The following UNC79 variants were observed in gnomAD, a reference collection of about 807,000 sequenced individuals.
UNC79 encodes unc-79 subunit of NALCN channel complex, also known as protein unc-79 homolog.
UNC79 carries 37 observed loss-of-function variants against 283.1 expected under a neutral mutation model. The observed-to-expected ratio is 0.13, with a 90% confidence interval of 0.10 to 0.17. The LOEUF is 0.17. UNC79 is among the 10% of genes least tolerant of loss of function. The pLI is 1.00. For synonymous variants in UNC79, 1,107 were observed against 1,200.2 expected, an observed-to-expected ratio of 0.92 and a Z score of 1.61; for missense variants, 2,272 against 3,211.1, an observed-to-expected ratio of 0.71 and a Z score of 7.07.
intron 24 of UNC79, 147 bp from the exon 25 acceptor site, chr14:93,600,422 T>G (rs1347832366): frequency 1.9e-6 from 1 of 534,412 alleles, no homozygotes; most frequent in Admixed American, 3.6e-5. Context: ...TCAAAAAAGA[T>G]TCCAGTGGGA....
intron 1 of UNC79, among the ~76,000 whole-genome samples, chr14:93,452,881 T>G (rs865864882): frequency 1.3e-5 from 2 of 152,336 alleles, no homozygotes; most frequent in Middle Eastern, 3.4e-3. Context: ...TTAAGAGTCT[T>G]AAAAGCAGTC....
At chr14:93,357,923 A>G (rs199522161) in intron 1 of UNC79, among the ~76,000 whole-genome samples, 2 of 17,108 alleles carry the variant, frequency 1.2e-4, no homozygotes, top group African/African-American at 3.2e-4. Context: ...ATCCATATAT[A>G]TAGATATATA....
At chr14:93,444,738 CTATTT>C (rs1184423153) in intron 1 of UNC79, among the ~76,000 whole-genome samples, 1 of 151,896 alleles carries the variant, frequency 6.6e-6, no homozygotes, top group East Asian at 1.9e-4. Context: ...TCTCTGGACT[CTATTT>C]TGTTTCTTCA....
intron 41 of UNC79, among the ~76,000 whole-genome samples, chr14:93,676,882 A>G (rs751630248): frequency 8.5e-5 from 13 of 152,234 alleles, no homozygotes; most frequent in Non-Finnish European, 1.6e-4. Flanking sequence ...TTCATCTACC[A>G]TTTCATCTTT....
chr14:93,553,117 C>T (rs1567100580), intron 14 of UNC79, among the ~76,000 whole-genome samples: 1 of 152,108 alleles, frequency 6.6e-6, no homozygotes, highest in Non-Finnish European at 1.5e-5. Flanking sequence ...AACTATATTG[C>T]CATAAGTTAA....
intron 10 of UNC79, among the ~76,000 whole-genome samples, chr14:93,530,273 CA>C (rs770743156): frequency 2.0e-5 from 3 of 152,044 alleles, no homozygotes; most frequent in African/African-American, 4.8e-5. Context: ...TGAAAATTTA[CA>C]TAAAAATATC....
At chr14:93,595,022 G>A (rs2064968721) in intron 23 of UNC79, among the ~76,000 whole-genome samples, 1 of 151,366 alleles carries the variant, frequency 6.6e-6, no homozygotes, top group Non-Finnish European at 1.5e-5. Context: ...GTTGTGGAGG[G>A]TTAGGATTAA....
intron 1 of UNC79, among the ~76,000 whole-genome samples, chr14:93,375,486 G>T (rs1356731802): frequency 2.0e-5 from 3 of 152,196 alleles, no homozygotes; most frequent in African/African-American, 7.2e-5. Flanking sequence ...ATTAATAGGT[G>T]TATTAGTCCA....
chr14:93,480,574 A>T (rs1385268498), intron 4 of UNC79, among the ~76,000 whole-genome samples: 1 of 152,168 alleles, frequency 6.6e-6, no homozygotes, highest in Non-Finnish European at 1.5e-5. Context: ...ATAAATTGTA[A>T]TACCAACCTT....
chr14:93,548,701 C>T (rs891676138), intron 14 of UNC79, among the ~76,000 whole-genome samples: 5 of 152,314 alleles, frequency 3.3e-5, no homozygotes, highest in Admixed American at 1.3e-4. Flanking sequence ...TCCTCTTCCT[C>T]ATTCAGGAAT....
intron 26 of UNC79, among the ~76,000 whole-genome samples, chr14:93,609,221 G>C (rs956780843): frequency 3.3e-5 from 5 of 152,164 alleles, no homozygotes; most frequent in Non-Finnish European, 2.9e-5. Flanking sequence ...GGGGAGGGTA[G>C]AGAACCACCT....
At chr14:93,412,324 G>A (rs2055352281) in intron 1 of UNC79, among the ~76,000 whole-genome samples, 1 of 152,004 alleles carries the variant, frequency 6.6e-6, no homozygotes, top group Non-Finnish European at 1.5e-5. Context: ...AACAGTTATT[G>A]GCCTTAAAGA....
chr14:93,353,780 C>T (rs944155060), intron 1 of UNC79, among the ~76,000 whole-genome samples: 3 of 152,190 alleles, frequency 2.0e-5, no homozygotes, highest in Non-Finnish European at 4.4e-5. Flanking sequence ...CACCACTGTA[C>T]ACTGTGCTAG....
intron 1 of UNC79, among the ~76,000 whole-genome samples, chr14:93,434,374 T>A (rs1268336008): frequency 1.3e-5 from 2 of 150,312 alleles, no homozygotes; most frequent in Non-Finnish European, 3.0e-5. Context: ...AAGAGTTAAA[T>A]TTTTTTTTTC....
At position 93,617,208 on chromosome 14, in the gene UNC79, G is replaced by A. The variant is rs780292993; in HGVS notation, c.4128G>A (p.Arg1376=). The stretch of plus-strand genomic sequence containing the variant: ...AATACTGCTCTTGTCCTCAACTCCG[G>A]CATTATTTCCAACAGCCGCCTCGTT... Residue 1376 remains arginine, a synonymous_variant, in exon 28 of 49, where the codon CGG becomes CGA. Transcript: ENST00000555664. The surrounding 1 kb of genome is among the most constrained non-coding windows in gnomAD (Gnocchi z 4.5). 8.1e-6 allele frequency: 13 copies of A among 1,614,016 alleles called. No individual in the cohort carries two copies. Among genetic ancestry groups the A allele is most frequent in the Non-Finnish European group, 1.1e-5 (13 of 1,180,026 alleles).
At chr14:93,554,301 C>T (rs2062043968) in intron 14 of UNC79, among the ~76,000 whole-genome samples, 1 of 150,876 alleles carries the variant, frequency 6.6e-6, no homozygotes. Context: ...TGAGTTGAGA[C>T]CATGCCATTG....
chr14:93,534,016 G>A (rs1350439158), intron 11 of UNC79, among the ~76,000 whole-genome samples: 3 of 152,150 alleles, frequency 2.0e-5, no homozygotes, highest in African/African-American at 4.8e-5. Context: ...AACTAAGAAG[G>A]AAAGTTATCT....
intron 5 of UNC79, among the ~76,000 whole-genome samples, chr14:93,489,117 T>A (rs900980320): frequency 8.5e-5 from 13 of 152,240 alleles, no homozygotes; most frequent in Non-Finnish European, 1.3e-4. Context: ...AATTTTTAAA[T>A]TTTTTTAGAG....
rs559927153 is a variant in UNC79, at chr14:93,645,090, T to C, written c.6044+1393T>C. ...TTTTTATTAATACCAGGTCACAATTTCTACTATCAATACTTCTTAGTTTCA... is the reference window on the plus strand; with the variant it reads ...TTTTTATTAATACCAGGTCACAATTCCTACTATCAATACTTCTTAGTTTCA... On this transcript the variant is annotated intron_variant, in intron 34 of 48. Coordinates refer to ENST00000555664, the Ensembl canonical transcript of UNC79. Among the ~76,000 whole-genome samples the C allele has an allele frequency of 2.3e-4, 35 of 152,326 alleles. No individual in the cohort carries two copies. In the South Asian group the frequency reaches 7.2e-3, roughly 32 times the overall value.
Sources: allele counts gnomAD v4.1 joint callset (sites outside exome capture counted in the v4.1 genomes callset), GRCh38; gene constraint gnomAD v4.1.1; non-coding constraint Gnocchi (gnomAD v3.1); transcripts MANE v1.5; gene names NCBI Gene and HGNC (gene_info 2026-07-23, HGNC 2026-07-21).